CD74: variants seen among roughly 807,000 people sequenced by gnomAD.
CD74 encodes HLA class II histocompatibility antigen gamma chain.
Under a neutral mutation model 37.1 loss-of-function variants are expected in CD74, and 20 were observed. That is an observed-to-expected ratio of 0.54 (90% CI 0.38 to 0.78). The LOEUF is 0.78. CD74 is among the 30% of genes least tolerant of loss of function. The probability of loss-of-function intolerance (pLI) is 0.00; values close to 1 mark genes in which losing one functional copy is unlikely to be tolerated. For synonymous variants in CD74, 150 were observed against 152.0 expected (o/e 0.99, Z 0.10); for missense variants, 338 against 389.5 (o/e 0.87, Z 1.11).
rs1443497065 is a variant in CD74 at position 150,401,931 on chromosome 5, C to T, written c.*309G>A. On this transcript the variant is annotated 3_prime_UTR_variant, in exon 9 of 9. Coordinates refer to ENST00000009530, the MANE Select transcript of CD74 (RefSeq NM_001025159.3). ...GTGCCTTCCCATCTCGTCCATGAGC[C>T]TAGGTCTTGGAGCCTTGTGTTGGAG... 1.1e-6 allele frequency: 1 copy of T among 898,372 alleles called. No individual in the cohort carries two copies. The highest frequency in any genetic ancestry group is 1.8e-6 in the Non-Finnish European group (1 of 564,116). 55.7% of individuals were successfully genotyped at this position (898,372 alleles called of 1,614,324 possible). A position where few individuals can be genotyped will look rare whatever the true frequency, so the allele number is the denominator to read the frequency against.
intron 1 of CD74, among the ~76,000 whole-genome samples, chr5:150,410,618 G>A: frequency 6.6e-6 from 1 of 150,558 alleles, no homozygotes; most frequent in Non-Finnish European, 1.5e-5. Flanking sequence ...GGTTCTGGTA[G>A]AGTGCCAACT....
rs2151167529 is a variant in CD74 at position 150,402,634 on chromosome 5, G to A, written c.818-9C>T. On this transcript the variant is annotated splice_polypyrimidine_tract_variant and intron_variant, in intron 7 of 8. Coordinates refer to ENST00000009530, the MANE Select transcript of CD74 (RefSeq NM_001025159.3). This position sits in a 1 kb window ranked among gnomAD's most constrained non-coding sequence, Gnocchi z 4.2. ...CTCCAGTTCCAGTGACTCTGCAAAG[G>A]AGCAGCAAGTCCGTTTGTCACTTGA... The A allele has an allele frequency of 6.2e-7, 1 of 1,603,026 alleles. No homozygotes were observed. The highest frequency in any genetic ancestry group is 8.5e-7 in the Non-Finnish European group (1 of 1,174,020).
At position 150,407,961 on chromosome 5, in the gene CD74, T is replaced by C. The variant is rs1043510748; in HGVS notation, c.126-637A>G. Reference sequence around the variant, plus strand: ...TGATAGAGACGGGGTTTCACCGTGGTCTCGATCTCCTGATCTCGTGATCCA... The same window carrying C: ...TGATAGAGACGGGGTTTCACCGTGGCCTCGATCTCCTGATCTCGTGATCCA... On this transcript the variant is annotated intron_variant, in intron 1 of 8. Coordinates refer to ENST00000009530, the MANE Select transcript of CD74 (RefSeq NM_001025159.3). This position sits in a 1 kb window ranked among gnomAD's most constrained non-coding sequence, Gnocchi z 4.4. Among the ~76,000 whole-genome samples, 13 of 152,094 alleles carry C rather than the reference T, an allele frequency of 8.5e-5. No homozygotes were observed. Among genetic ancestry groups the C allele is most frequent in the Non-Finnish European group, 4.4e-5 (3 of 68,020 alleles).
At chr5:150,406,389 G>A (rs1167422198) in intron 3 of CD74, 68 bp from the exon 4 acceptor site, 27 of 1,280,042 alleles carry the variant, frequency 2.1e-5, no homozygotes, top group East Asian at 6.9e-5. Context: ...AGCAGGAGCC[G>A]GTTGCTGGGA....
At chr5:150,406,430 T>C (rs1769968535) in intron 3 of CD74, 109 bp from the exon 4 acceptor site, 6 of 829,972 alleles carry the variant, frequency 7.2e-6, no homozygotes, top group Non-Finnish European at 1.2e-5. Flanking sequence ...CGCAGGCACT[T>C]GGTCAATGGT....
At position 150,410,752 on chromosome 5, in the gene CD74, G is replaced by A. The variant is rs1482838987; in HGVS notation, c.125+1873C>T. Among the ~76,000 whole-genome samples the A allele has an allele frequency of 4.0e-5, 6 of 151,528 alleles. No individual in the cohort carries two copies. In the East Asian group the frequency reaches 9.7e-4, roughly 25 times the overall value. ...AGGAATCGTGACACAGATGTTGCCA[G>A]GCAGAAGCATTCACAAAAGCCTCCA... On this transcript the variant is annotated intron_variant, in intron 1 of 8. Coordinates refer to ENST00000009530, the MANE Select transcript of CD74 (RefSeq NM_001025159.3).
intron 1 of CD74, among the ~76,000 whole-genome samples, chr5:150,408,186 G>A (rs1191603434): frequency 6.6e-6 from 1 of 152,162 alleles, no homozygotes; most frequent in African/African-American, 2.4e-5. Context: ...CACCCTCACA[G>A]TGAAATCAGA....
intron 1 of CD74, among the ~76,000 whole-genome samples, chr5:150,408,161 C>G (rs574520433): frequency 4.3e-4 from 65 of 152,266 alleles, no homozygotes; most frequent in African/African-American, 1.5e-3. Flanking sequence ...GTTTTCACCC[C>G]TCTGCCCAAC....
At chr5:150,410,328 G>A (rs1285188483) in intron 1 of CD74, among the ~76,000 whole-genome samples, 2 of 152,080 alleles carry the variant, frequency 1.3e-5, no homozygotes, top group Non-Finnish European at 2.9e-5. Context: ...CCCTGAAGAC[G>A]AGACCACATA....
rs1769639490 is a variant in CD74 at position 150,401,973 on chromosome 5, G to C, written c.*267C>G. On this transcript the variant is annotated 3_prime_UTR_variant, in exon 9 of 9. Coordinates refer to ENST00000009530, the MANE Select transcript of CD74 (RefSeq NM_001025159.3). The stretch of plus-strand genomic sequence containing the variant: ...GTGTTGGAGGCTGCTGTGATGTCAG[G>C]AACGGGGATCTGTCTAGCTTTTGGC... 7.7e-7 allele frequency: 1 copy of C among 1,296,604 alleles called. No homozygotes were observed. The highest frequency in any genetic ancestry group is 1.3e-5 in the South Asian group (1 of 79,392). 80.3% of individuals were successfully genotyped at this position (1,296,604 alleles called of 1,614,324 possible).
At chr5:150,408,566 G>T (rs1770134390) in intron 1 of CD74, among the ~76,000 whole-genome samples, 1 of 152,124 alleles carries the variant, frequency 6.6e-6, no homozygotes, top group Non-Finnish European at 1.5e-5. Flanking sequence ...GAGCCTGTGT[G>T]GCCTGGATGA....
Position 150,406,904 on chromosome 5 carries a change from G to T in CD74, c.355C>A (p.Pro119Thr), listed in dbSNP as rs746818222. Residue 119 changes from proline (P) to threonine (T), a missense_variant, in exon 3 of 9, where the codon CCC becomes ACC. By Grantham distance (38) the Pro-to-Thr change is conservative. Transcript: ENST00000009530. ...MATPLLMQALPMGALPQGPMQ... is the reference protein window; with the variant it reads ...MATPLLMQALTMGALPQGPMQ... ...ACCCCCTGGGGCAGGGCTCCCATGGGCAGCGCCTGCATCAGCAGCGGGGTG... is the reference window on the plus strand; with the variant it reads ...ACCCCCTGGGGCAGGGCTCCCATGGTCAGCGCCTGCATCAGCAGCGGGGTG... The T allele has an allele frequency of 4.6e-6, 7 of 1,524,294 alleles. No individual in the cohort carries two copies. The highest frequency in any genetic ancestry group is 6.1e-6 in the Non-Finnish European group (7 of 1,141,364). The allele number at this position is 1,524,294 out of a possible 1,614,324, so 94.4% of individuals were successfully genotyped here.
intron 5 of CD74, 47 bp from the exon 6 acceptor site, chr5:150,404,814 C>G: frequency 7.8e-7 from 1 of 1,277,556 alleles, no homozygotes; most frequent in Non-Finnish European, 1.1e-6. Context: ...CACCACCAAG[C>G]CCCTACACTG....
rs11548086 is a variant in CD74 at position 150,402,603 on chromosome 5, C to T, written c.840G>A (p.Pro280=). ...GCTTGGTCACACCCAGCCCAGAAGA[C>T]GGGTCCTCCAGTTCCAGTGACTCTG... ...NCSESLELED[P]SSGLGVTKQD... is the part of the protein sequence containing the mutation. Residue 280 remains proline (P), a synonymous_variant, in exon 8 of 9, where the codon CCG becomes CCA. Transcript: ENST00000009530. The surrounding 1 kb of genome is among the most constrained non-coding windows in gnomAD (Gnocchi z 4.2). 254 of 1,612,602 alleles carry T rather than the reference C, an allele frequency of 1.6e-4. No individual in the cohort carries two copies. The highest frequency in any genetic ancestry group is 3.9e-4 in the African/African-American group (29 of 74,996).
intron 1 of CD74, among the ~76,000 whole-genome samples, chr5:150,410,057 C>A (rs1340372350): frequency 1.2e-4 from 17 of 143,070 alleles, no homozygotes; most frequent in East Asian, 8.3e-4. Flanking sequence ...ACAGCAAAAA[C>A]CCGACGGTGG....
rs145259888 is a variant in CD74 at position 150,406,936 on chromosome 5, C to T, written c.323G>A (p.Arg108His). The change falls in exon 3 of 9, where the codon CGC becomes CAC. Residue 108 changes from arginine to histidine, a missense_variant. Transcript: ENST00000009530. The stretch of plus-strand genomic sequence containing the variant: ...CTGCATCAGCAGCGGGGTGGCCATG[C>T]GCATCTTGCTCACAGGCTTGGGAGC... ...PKPPKPVSKMRMATPLLMQAL... is the reference protein window; with the variant it reads ...PKPPKPVSKMHMATPLLMQAL... 5.9e-5 allele frequency: 92 copies of T among 1,555,948 alleles called. No homozygotes were observed. In the African/African-American group the frequency reaches 9.7e-4, roughly 16 times the overall value.
chr5:150,408,035 G>A (rs115781303), intron 1 of CD74, among the ~76,000 whole-genome samples: 8,854 of 151,742 alleles, frequency 0.058, 343 homozygotes, highest in South Asian at 0.099. Context: ...GAGTCACCGC[G>A]CCCAGCCTTT....
chr5:150,407,254 T>C lies in CD74; in HGVS notation c.196A>G (p.Thr66Ala), dbSNP rs746367511. The C allele has an allele frequency of 1.9e-6, 3 of 1,613,554 alleles. No individual in the cohort carries two copies. The South Asian group carries it at 3.3e-5, about 18-fold the overall frequency. The change falls in exon 2 of 9, where the codon ACC (threonine) becomes GCC (alanine). Residue 66 changes from threonine to alanine, a missense_variant. Coordinates refer to ENST00000009530, the MANE Select transcript of CD74 (RefSeq NM_001025159.3). This position sits in a 1 kb window ranked among gnomAD's most constrained non-coding sequence, Gnocchi z 4.4. ...TGCTGGTACAGGAAGTAGGCGGTGG[T>C]GGCCTGGCCAGCGAGGAGCAGAGTC... ...LVTLLLAGQA[T>A]TAYFLYQQQG... is the part of the protein sequence containing the mutation.
Position 150,407,458 on chromosome 5 carries a change from G to A in CD74, c.126-134C>T, listed in dbSNP as rs993481409. 1 of 666,366 alleles carries A rather than the reference G, an allele frequency of 1.5e-6. No homozygotes were observed. Among genetic ancestry groups the A allele is most frequent in the Non-Finnish European group, 2.5e-6 (1 of 401,670 alleles). 41.3% of individuals were successfully genotyped at this position (666,366 alleles called of 1,614,324 possible). On this transcript the variant is annotated intron_variant, in intron 1 of 8. Coordinates refer to ENST00000009530, the MANE Select transcript of CD74 (RefSeq NM_001025159.3). This position sits in a 1 kb window ranked among gnomAD's most constrained non-coding sequence, Gnocchi z 4.4. ...GCCACCCCTAATAAACAATGCATTTGAAGCACAAACAGTAAGCTGGCTATG... is the reference window on the plus strand; with the variant it reads ...GCCACCCCTAATAAACAATGCATTTAAAGCACAAACAGTAAGCTGGCTATG...
Sources: gnomAD v4.1 joint callset for allele counts (sites outside exome capture counted in the v4.1 genomes callset) on GRCh38, gnomAD v4.1.1 for gene constraint, Gnocchi (gnomAD v3.1) non-coding constraint, MANE v1.5 for transcripts, NCBI Gene and HGNC (gene_info 2026-07-23, HGNC 2026-07-21) for gene names.